CAMK2D: variants seen among roughly 807,000 people sequenced by gnomAD.
The protein encoded by CAMK2D is calcium/calmodulin-dependent protein kinase type II subunit delta.
In CAMK2D, 37 loss-of-function variants were observed where a neutral mutation model predicts 84.0. The observed-to-expected ratio is 0.44, with a 90% CI of 0.34 to 0.58. The LOEUF (loss-of-function observed/expected upper bound fraction) is 0.58, where lower values mean the gene tolerates loss of function less well. Ranked by LOEUF, CAMK2D falls within the 20% of genes least tolerant of loss-of-function variation. CAMK2D has a pLI of 0.02. For synonymous variants in CAMK2D, 202 were observed against 212.5 expected (o/e 0.95, Z 0.43); for missense variants, 448 against 652.5 (o/e 0.69, Z 3.41).
intron 4 of CAMK2D, among the ~76,000 whole-genome samples, chr4:113,575,272 G>A (rs1194946026): frequency 1.3e-5 from 2 of 152,144 alleles, no homozygotes; most frequent in East Asian, 3.8e-4. Flanking sequence ...AAATTGCAGT[G>A]TTTTATGCAA....
chr4:113,515,514 A>T (rs2098272950), intron 9 of CAMK2D, among the ~76,000 whole-genome samples: 1 of 152,218 alleles, frequency 6.6e-6, no homozygotes, highest in Non-Finnish European at 1.5e-5. Flanking sequence ...CTCTGCTTTG[A>T]TCTGAAAATG....
intron 8 of CAMK2D, among the ~76,000 whole-genome samples, chr4:113,522,542 A>G (rs1409485401): frequency 6.6e-6 from 1 of 152,182 alleles, no homozygotes; most frequent in East Asian, 1.9e-4. Context: ...AGAGGATGGA[A>G]ACTATCTATG....
intron 2 of CAMK2D, among the ~76,000 whole-genome samples, chr4:113,684,574 C>T (rs959845982): frequency 2.0e-5 from 3 of 152,138 alleles, no homozygotes; most frequent in African/African-American, 7.2e-5. Context: ...GATGACTATG[C>T]AGCTGCTCGG....
At chr4:113,759,203 T>C in intron 2 of CAMK2D, 117 bp downstream of exon 2, 1 of 567,224 alleles carries the variant, frequency 1.8e-6, no homozygotes, top group Non-Finnish European at 3.1e-6. Context: ...TAATATATAA[T>C]ATGATACCTA....
intron 4 of CAMK2D, among the ~76,000 whole-genome samples, chr4:113,556,854 G>A (rs1442997462): frequency 6.6e-6 from 1 of 152,126 alleles, no homozygotes; most frequent in Admixed American, 6.5e-5. Flanking sequence ...GACCGATAAT[G>A]GGACATTGTC....
At chr4:113,610,382 T>C (rs1225078805) in intron 3 of CAMK2D, among the ~76,000 whole-genome samples, 3 of 152,192 alleles carry the variant, frequency 2.0e-5, no homozygotes, top group African/African-American at 7.2e-5. Context: ...CTACAACCTG[T>C]TATGTTTCCC....
chr4:113,631,578 C>T (rs1359333753), intron 3 of CAMK2D, among the ~76,000 whole-genome samples: 1 of 152,076 alleles, frequency 6.6e-6, no homozygotes, highest in Non-Finnish European at 1.5e-5. Flanking sequence ...CTCTACACAC[C>T]AACATACAAA....
At chr4:113,592,105 A>G (rs1166422875) in intron 4 of CAMK2D, among the ~76,000 whole-genome samples, 1 of 152,150 alleles carries the variant, frequency 6.6e-6, no homozygotes, top group Admixed American at 6.6e-5. Flanking sequence ...TAAAGTACCA[A>G]AGCTGAGGGG....
At chr4:113,662,242 C>T (rs973873473) in intron 2 of CAMK2D, among the ~76,000 whole-genome samples, 6 of 152,098 alleles carry the variant, frequency 3.9e-5, no homozygotes, top group Admixed American at 1.3e-4. Context: ...AACCATTCTC[C>T]TTACAATTGT....
At chr4:113,710,191 T>C (rs2040742) in intron 2 of CAMK2D, among the ~76,000 whole-genome samples, 26,564 of 152,054 alleles carry the variant, frequency 0.17, 4,257 homozygotes, top group African/African-American at 0.42. Context: ...ATGTAGATGA[T>C]AGCAGGTTAA....
intron 4 of CAMK2D, among the ~76,000 whole-genome samples, chr4:113,600,493 A>G (rs963915698): frequency 2.0e-5 from 3 of 152,216 alleles, no homozygotes; most frequent in Admixed American, 2.0e-4. Context: ...TAGAAGTTTA[A>G]AAAGAATTGT....
At chr4:113,571,823 ATC>A (rs760766513) in intron 4 of CAMK2D, among the ~76,000 whole-genome samples, 4 of 152,214 alleles carry the variant, frequency 2.6e-5, no homozygotes, top group Non-Finnish European at 5.9e-5. Context: ...CTAGTTATCT[ATC>A]TGTATTATAT....
intron 3 of CAMK2D, among the ~76,000 whole-genome samples, chr4:113,613,897 C>CGA (rs375777047): frequency 5.7e-4 from 85 of 148,300 alleles, no homozygotes; most frequent in Non-Finnish European, 8.8e-4. Flanking sequence ...AGAGAGCGAG[C>CGA]GAGAGAGAGA....
intron 11 of CAMK2D, 128 bp downstream of exon 11, chr4:113,513,702 A>T (rs566547668): frequency 4.2e-4 from 258 of 611,912 alleles, no homozygotes; most frequent in Middle Eastern, 8.9e-4. Context: ...CAAGAGCCCC[A>T]AAAAGAATAA....
chr4:113,594,874 T>C (rs1489652186), intron 4 of CAMK2D, among the ~76,000 whole-genome samples: 1 of 151,914 alleles, frequency 6.6e-6, no homozygotes, highest in Non-Finnish European at 1.5e-5. Context: ...GAGAAAGAAA[T>C]AGTAACAACA....
chr4:113,480,430 T>G (rs982325437), intron 16 of CAMK2D, among the ~76,000 whole-genome samples: 13 of 152,162 alleles, frequency 8.5e-5, no homozygotes, highest in African/African-American at 2.9e-4. Flanking sequence ...GACTTAATGC[T>G]ATGATATGAA....
At chr4:113,470,320 C>T (rs950430076) in intron 16 of CAMK2D, among the ~76,000 whole-genome samples, 15 of 152,060 alleles carry the variant, frequency 9.9e-5, no homozygotes, top group Non-Finnish European at 7.3e-5. Context: ...CTTCTTTTAT[C>T]AGATCTCAAT....
intron 6 of CAMK2D, among the ~76,000 whole-genome samples, chr4:113,546,823 T>A (rs1010831149): frequency 3.3e-5 from 5 of 152,128 alleles, no homozygotes; most frequent in Non-Finnish European, 1.5e-5. Flanking sequence ...CAGGTAAAAC[T>A]AGAGTGCTGG....
intron 2 of CAMK2D, among the ~76,000 whole-genome samples, chr4:113,697,310 G>C (rs1219596223): frequency 6.6e-6 from 1 of 152,094 alleles, no homozygotes; most frequent in East Asian, 1.9e-4. Context: ...CTGTGCTTAA[G>C]GACATAGATA....
Sources: gnomAD v4.1 joint callset for allele counts (sites outside exome capture counted in the v4.1 genomes callset) on GRCh38, gnomAD v4.1.1 for gene constraint, MANE v1.5 for transcripts, NCBI Gene and HGNC (gene_info 2026-07-23, HGNC 2026-07-21) for gene names.